The following SLC4A10 variants were observed in gnomAD, a reference collection of about 807,000 sequenced individuals.
SLC4A10 encodes the protein sodium-driven chloride bicarbonate exchanger.
SLC4A10 carries 42 observed loss-of-function variants against 137.7 expected under a neutral mutation model. The ratio of observed to expected loss-of-function variants is 0.30; its 90% confidence interval spans 0.24 to 0.39. The LOEUF (loss-of-function observed/expected upper bound fraction) is 0.39, where lower values mean the gene tolerates loss of function less well. Among genes scored for constraint, SLC4A10 ranks in the 10% least tolerant of loss-of-function variants. SLC4A10 has a pLI of 1.00. For synonymous variants in SLC4A10, 474 were observed against 464.1 expected (o/e 1.02, Z -0.27); for missense variants, 925 against 1,355.0 (o/e 0.68, Z 4.98).
intron 1 of SLC4A10, among the ~76,000 whole-genome samples, chr2:161,742,473 G>C (rs1249876094): frequency 1.7e-5 from 2 of 119,208 alleles, no homozygotes; most frequent in East Asian, 2.4e-4. Flanking sequence ...ACTGAGTCTC[G>C]CACTGTCGCC....
At chr2:161,969,891 T>G (rs1698215422) in intron 23 of SLC4A10, among the ~76,000 whole-genome samples, 2 of 152,194 alleles carry the variant, frequency 1.3e-5, no homozygotes, top group African/African-American at 2.4e-5. Context: ...CAGACAAATG[T>G]CATTTCTAGC....
intron 5 of SLC4A10, among the ~76,000 whole-genome samples, chr2:161,857,449 C>T (rs1489900158): frequency 6.6e-6 from 1 of 152,100 alleles, no homozygotes; most frequent in Non-Finnish European, 1.5e-5. Flanking sequence ...ATGCTAACAT[C>T]ACAAAGAAAA....
chr2:161,888,430 G>T (rs551090832), intron 10 of SLC4A10, among the ~76,000 whole-genome samples: 1 of 152,296 alleles, frequency 6.6e-6, no homozygotes, highest in East Asian at 1.9e-4. Context: ...CATGAGCATG[G>T]AATGTTTTTC....
chr2:161,800,754 A>G (rs908171079), intron 2 of SLC4A10, among the ~76,000 whole-genome samples: 1 of 152,068 alleles, frequency 6.6e-6, no homozygotes, highest in African/African-American at 2.4e-5. Flanking sequence ...CAAAGTATGT[A>G]GTGAGTAATG....
intron 3 of SLC4A10, among the ~76,000 whole-genome samples, chr2:161,816,749 A>G (rs1047630355): frequency 4.0e-5 from 6 of 150,198 alleles, no homozygotes; most frequent in Non-Finnish European, 8.8e-5. Flanking sequence ...TTGTCCTTGC[A>G]ATAGTTTGCT....
rs570402515 is a variant in SLC4A10 at position 161,958,297 on chromosome 2, C to T, written c.2794-190C>T. Among the ~76,000 whole-genome samples the T allele has an allele frequency of 4.6e-5, 7 of 152,188 alleles. No individual in the cohort carries two copies. The South Asian group carries it at 1.5e-3, about 32-fold the overall frequency. On this transcript the variant is annotated intron_variant, in intron 20 of 26. Transcript: ENST00000446997. ...TATTGGGAAACTAAGGCACAGAGAG[C>T]TTAAGTAACTTACCTAAGGTTACAC...
intron 2 of SLC4A10, among the ~76,000 whole-genome samples, chr2:161,784,828 A>G (rs186257763): frequency 1.7e-4 from 26 of 151,588 alleles, no homozygotes; most frequent in African/African-American, 6.0e-4. Flanking sequence ...ACCTAATTAT[A>G]CATTTGAAGG....
At chr2:161,837,696 C>G (rs1407077269) in intron 3 of SLC4A10, among the ~76,000 whole-genome samples, 2 of 152,100 alleles carry the variant, frequency 1.3e-5, no homozygotes, top group African/African-American at 4.8e-5. Context: ...AAGAATTACT[C>G]TAAAGCTATA....
intron 10 of SLC4A10, among the ~76,000 whole-genome samples, chr2:161,892,805 A>T (rs2063059724): frequency 6.6e-6 from 1 of 152,064 alleles, no homozygotes; most frequent in African/African-American, 2.4e-5. Flanking sequence ...GTGTAAATTA[A>T]TTTTTTCTCT....
chr2:161,924,461 G>C (rs1208381485), intron 15 of SLC4A10, among the ~76,000 whole-genome samples: 3 of 151,838 alleles, frequency 2.0e-5, no homozygotes, highest in Admixed American at 6.6e-5. Flanking sequence ...AACAATATTT[G>C]CTTGGGTATA....
At chr2:161,675,037 G>A (rs908735689) in intron 1 of SLC4A10, among the ~76,000 whole-genome samples, 1 of 152,108 alleles carries the variant, frequency 6.6e-6, no homozygotes, top group Admixed American at 6.6e-5. Flanking sequence ...TAACACAGTA[G>A]ACCTGTCCCA....
intron 1 of SLC4A10, among the ~76,000 whole-genome samples, chr2:161,715,074 C>T (rs1259185400): frequency 1.3e-5 from 2 of 151,828 alleles, no homozygotes; most frequent in African/African-American, 2.4e-5. Flanking sequence ...ATACATTCTA[C>T]CTTAAGTATA....
intron 10 of SLC4A10, among the ~76,000 whole-genome samples, chr2:161,888,154 T>C (rs2062518015): frequency 6.6e-6 from 1 of 152,156 alleles, no homozygotes; most frequent in Non-Finnish European, 1.5e-5. Flanking sequence ...TCTGTTCCAT[T>C]GGTCTAAATA....
chr2:161,646,104 T>C (rs1020925161), intron 1 of SLC4A10, among the ~76,000 whole-genome samples: 2 of 152,068 alleles, frequency 1.3e-5, no homozygotes, highest in African/African-American at 4.8e-5. Context: ...TTTCAGCTTC[T>C]AGTGCTAATA....
intron 6 of SLC4A10, among the ~76,000 whole-genome samples, chr2:161,864,278 T>A (rs1250349587): frequency 6.6e-6 from 1 of 152,194 alleles, no homozygotes; most frequent in Non-Finnish European, 1.5e-5. Flanking sequence ...GAAAGACTGA[T>A]TTCCACGAAT....
At chr2:161,975,007 ATTT>A (rs1699158180) in intron 24 of SLC4A10, among the ~76,000 whole-genome samples, 2 of 152,154 alleles carry the variant, frequency 1.3e-5, no homozygotes, top group African/African-American at 4.8e-5. Context: ...TTTATGAATA[ATTT>A]AAGGTTATGC....
intron 20 of SLC4A10, among the ~76,000 whole-genome samples, chr2:161,957,726 C>T (rs1053380782): frequency 6.6e-6 from 1 of 152,068 alleles, no homozygotes; most frequent in Non-Finnish European, 1.5e-5. Flanking sequence ...GTCTGGACAT[C>T]ATCATTGCAT....
intron 24 of SLC4A10, 23 bp downstream of exon 24, chr2:161,974,339 C>T (rs1368087862): frequency 6.4e-7 from 1 of 1,563,892 alleles, no homozygotes; most frequent in African/African-American, 1.4e-5. Flanking sequence ...TTTAAAAACA[C>T]ATCAATTAAA....
intron 2 of SLC4A10, among the ~76,000 whole-genome samples, chr2:161,794,971 A>T (rs749310528): frequency 3.3e-5 from 5 of 151,850 alleles, no homozygotes; most frequent in Non-Finnish European, 5.9e-5. Context: ...TGCAAAAAAA[A>T]AACATTGAAA....
Sources: allele counts gnomAD v4.1 joint callset (sites outside exome capture counted in the v4.1 genomes callset), GRCh38; gene constraint gnomAD v4.1.1; transcripts MANE v1.5; gene names NCBI Gene and HGNC (gene_info 2026-07-23, HGNC 2026-07-21).